The following SLC71A1 variants were observed in gnomAD, a reference collection of about 807,000 sequenced individuals.
The protein encoded by SLC71A1 is solute carrier family 71 member 1.
At chr1:100,056,486 C>G in the SLC71A1 span, among the ~76,000 whole-genome samples, 5 of 152,074 alleles carry the variant, frequency 3.3e-5, no homozygotes, top group Admixed American at 3.3e-4. Flanking sequence ...TGGTGCACAC[C>G]GTAATCCCAG....
chr1:100,075,173 G>A, the SLC71A1 span, among the ~76,000 whole-genome samples: 4 of 152,194 alleles, frequency 2.6e-5, no homozygotes, highest in East Asian at 3.9e-4. Context: ...GAAAGAACAC[G>A]TGCTCCAGGG....
the SLC71A1 span, among the ~76,000 whole-genome samples, chr1:100,046,889 A>G: frequency 2.6e-5 from 4 of 152,184 alleles, no homozygotes; most frequent in African/African-American, 9.7e-5. Context: ...CTGTTGGCAT[A>G]TAGAAATGGT....
the SLC71A1 span, among the ~76,000 whole-genome samples, chr1:100,054,036 C>T: frequency 4.5e-4 from 60 of 134,106 alleles, no homozygotes; most frequent in African/African-American, 5.2e-4. Context: ...TTTTTTTTTT[C>T]TTTCCTTTTT....
chr1:100,074,616 C>T, the SLC71A1 span, among the ~76,000 whole-genome samples: 7,557 of 152,006 alleles, frequency 0.05, 210 homozygotes, highest in African/African-American at 0.077. Context: ...TGGTGGCTCA[C>T]GCCTGAGATA....
chr1:100,049,449 G>A, the SLC71A1 span, among the ~76,000 whole-genome samples: 1 of 151,350 alleles, frequency 6.6e-6, no homozygotes, highest in Non-Finnish European at 1.5e-5. Flanking sequence ...TCCTTAGCAT[G>A]GAAGCTGGTC....
chr1:100,069,672 C>G, the SLC71A1 span: 2 of 1,609,494 alleles, frequency 1.2e-6, no homozygotes, highest in Non-Finnish European at 1.7e-6. Context: ...GGCATTCTTT[C>G]CATTATTGCA....
chr1:100,071,443 T>G, the SLC71A1 span, among the ~76,000 whole-genome samples: 1 of 151,870 alleles, frequency 6.6e-6, no homozygotes, highest in Non-Finnish European at 1.5e-5. Flanking sequence ...GGTACTCCAG[T>G]ATGGGCAACA....
chr1:100,083,325 G>C, the SLC71A1 span: 2 of 152,462 alleles, frequency 1.3e-5, no homozygotes, highest in South Asian at 4.1e-4. Flanking sequence ...TAAAAGAAAT[G>C]TAAATATTCT....
chr1:100,041,166 G>C, the SLC71A1 span, among the ~76,000 whole-genome samples: 1 of 152,160 alleles, frequency 6.6e-6, no homozygotes, highest in African/African-American at 2.4e-5. Flanking sequence ...CAGATTTGTA[G>C]TTTTCAACGG....
the SLC71A1 span, among the ~76,000 whole-genome samples, chr1:100,059,528 T>A: frequency 2.6e-5 from 4 of 151,136 alleles, no homozygotes; most frequent in African/African-American, 7.3e-5. Flanking sequence ...TATATATATA[T>A]AAATATATGT....
the SLC71A1 span, among the ~76,000 whole-genome samples, chr1:100,059,145 T>G: frequency 1.7e-4 from 15 of 89,518 alleles, no homozygotes; most frequent in East Asian, 5.2e-4. Flanking sequence ...CTTTTTCGTG[T>G]TTTTTTTTTT....
At chr1:100,060,089 C>A in the SLC71A1 span, 1 of 1,303,958 alleles carries the variant, frequency 7.7e-7, no homozygotes, top group South Asian at 1.5e-5. Flanking sequence ...TTCACTTGTG[C>A]CATCTTGGTT....
At chr1:100,069,337 C>T in the SLC71A1 span, among the ~76,000 whole-genome samples, 1 of 152,212 alleles carries the variant, frequency 6.6e-6, no homozygotes, top group African/African-American at 2.4e-5. Flanking sequence ...ATGTAAAATG[C>T]ACAAAATACT....
At chr1:100,069,778 A>G in the SLC71A1 span, 3 of 807,274 alleles carry the variant, frequency 3.7e-6, no homozygotes, top group African/African-American at 3.4e-5. Flanking sequence ...TGGTGGAATC[A>G]ACAAAGTCAG....
chr1:100,080,694 T>C, the SLC71A1 span: 4 of 1,578,286 alleles, frequency 2.5e-6, no homozygotes, highest in Middle Eastern at 5.1e-4. Context: ...ATTGTATGGT[T>C]CATTTGGCTA....
chr1:100,058,757 A>C, the SLC71A1 span: 1 of 1,211,984 alleles, frequency 8.3e-7, no homozygotes, highest in African/African-American at 1.5e-5. Context: ...ATATATGTGT[A>C]TATATACATA....
chr1:100,056,995 C>T, the SLC71A1 span, among the ~76,000 whole-genome samples: 1 of 152,080 alleles, frequency 6.6e-6, no homozygotes, highest in South Asian at 2.1e-4. Flanking sequence ...ATCTTTTGCC[C>T]GTTTTTTAAA....
chr1:100,082,094 A>T, the SLC71A1 span: 3 of 1,613,934 alleles, frequency 1.9e-6, no homozygotes, highest in African/African-American at 4.0e-5. Flanking sequence ...GAACATACCA[A>T]TTTAAGCTTA....
At chr1:100,059,705 T>C in the SLC71A1 span, among the ~76,000 whole-genome samples, 9 of 152,048 alleles carry the variant, frequency 5.9e-5, no homozygotes, top group Non-Finnish European at 1.2e-4. Flanking sequence ...TTCTAAACTA[T>C]CTTGGGAAAT....
Sources: allele counts gnomAD v4.1 joint callset (sites outside exome capture counted in the v4.1 genomes callset), GRCh38; gene constraint gnomAD v4.1.1; transcripts MANE v1.5; gene names NCBI Gene and HGNC (gene_info 2026-07-23, HGNC 2026-07-21).